The following TAS2R1 variants were observed in gnomAD, a reference collection of about 807,000 sequenced individuals.
The protein encoded by TAS2R1 is taste 2 receptor member 1, also known as taste receptor type 2 member 1.
For missense variants in TAS2R1, 370 were observed against 353.4 expected, an observed-to-expected ratio of 1.05 and a Z score of -0.38; for synonymous variants, 141 against 134.2, an observed-to-expected ratio of 1.05 and a Z score of -0.35.
At chr5:9,644,128 T>G (rs940066645) in intron 2 of TAS2R1, among the ~76,000 whole-genome samples, 4 of 152,130 alleles carry the variant, frequency 2.6e-5, no homozygotes, top group African/African-American at 9.7e-5. Context: ...TGGGAACCCA[T>G]TGAAGTGTTT....
chr5:9,704,532 A>T (rs1001090962), intron 1 of TAS2R1, among the ~76,000 whole-genome samples: 3 of 152,330 alleles, frequency 2.0e-5, no homozygotes, highest in Non-Finnish European at 2.9e-5. Context: ...AACCAAATGA[A>T]GTCATCCTAA....
the TAS2R1 span, among the ~76,000 whole-genome samples, chr5:9,824,500 G>A: frequency 6.6e-6 from 1 of 152,126 alleles, no homozygotes; most frequent in Non-Finnish European, 1.5e-5. Flanking sequence ...CTAATGCCTG[G>A]ACTAATGTTA....
chr5:9,726,011 A>G, the TAS2R1 span, among the ~76,000 whole-genome samples: 906 of 150,780 alleles, frequency 6.0e-3, 13 homozygotes, highest in African/African-American at 0.021. Flanking sequence ...AAACACACCA[A>G]TCAGCACCCT....
At chr5:9,719,918 CAAAAAAAAA>C in the TAS2R1 span, among the ~76,000 whole-genome samples, 2 of 64,338 alleles carry the variant, frequency 3.1e-5, no homozygotes, top group Non-Finnish European at 5.7e-5. Context: ...GATTCCGATT[CAAAAAAAAA>C]AAAAAAAAAA....
upstream of TAS2R1, chr5:9,630,479 A>C (rs1211061127): frequency 6.0e-6 from 1 of 166,556 alleles, no homozygotes; most frequent in Non-Finnish European, 1.5e-5. Flanking sequence ...CATTTTTGAA[A>C]TTTTCACTTA....
chr5:9,812,949 T>G, the TAS2R1 span, among the ~76,000 whole-genome samples: 2 of 152,212 alleles, frequency 1.3e-5, no homozygotes, highest in African/African-American at 4.8e-5. Context: ...CAATGGGTTA[T>G]GAGCAGAAGG....
the TAS2R1 span, among the ~76,000 whole-genome samples, chr5:9,809,667 T>G: frequency 2.6e-5 from 4 of 152,162 alleles, no homozygotes; most frequent in African/African-American, 9.7e-5. Context: ...AGACAGGTCC[T>G]CTCCACTTTT....
At chr5:9,633,470 GGGA>G (rs1380170100), upstream of TAS2R1, among the ~76,000 whole-genome samples, 1 of 151,448 alleles carries the variant, frequency 6.6e-6, no homozygotes, top group African/African-American at 2.4e-5. Context: ...ACCCGGGAGT[GGGA>G]TTGCTGGATC....
chr5:9,896,705 C>G, the TAS2R1 span, among the ~76,000 whole-genome samples: 1 of 152,186 alleles, frequency 6.6e-6, no homozygotes, highest in African/African-American at 2.4e-5. Flanking sequence ...GCCTGTTTGG[C>G]AATGTTGTTT....
chr5:9,713,581 C>T (rs1018726204), upstream of TAS2R1, among the ~76,000 whole-genome samples: 6 of 152,154 alleles, frequency 3.9e-5, no homozygotes, highest in African/African-American at 1.4e-4. Flanking sequence ...AGACATACTT[C>T]ACATGCGGTG....
chr5:9,861,037 G>GTTTTGTTTTTTTTTTT, the TAS2R1 span, among the ~76,000 whole-genome samples: 1 of 88,612 alleles, frequency 1.1e-5, no homozygotes, highest in African/African-American at 4.3e-5. Context: ...GGAAGATGAG[G>GTTTTGTTTTTTTTTTT]TTTTTTTTTT....
the TAS2R1 span, among the ~76,000 whole-genome samples, chr5:9,854,932 G>GT: frequency 6.6e-6 from 1 of 152,108 alleles, no homozygotes; most frequent in East Asian, 1.9e-4. Context: ...TCTTCATAAT[G>GT]GGTTCTGCTA....
upstream of TAS2R1, chr5:9,714,011 T>C (rs746560870): frequency 1.3e-5 from 2 of 152,346 alleles, no homozygotes; most frequent in Non-Finnish European, 2.9e-5. Context: ...AGTTTTGCCA[T>C]TGGATGACAG....
chr5:9,695,228 TG>T (rs1741333815), intron 1 of TAS2R1, among the ~76,000 whole-genome samples: 1 of 152,252 alleles, frequency 6.6e-6, no homozygotes, highest in African/African-American at 2.4e-5. Context: ...ACATGATTAC[TG>T]TTTTTGTAGT....
upstream of TAS2R1, among the ~76,000 whole-genome samples, chr5:9,632,324 G>A (rs1181349540): frequency 6.6e-6 from 1 of 152,206 alleles, no homozygotes; most frequent in African/African-American, 2.4e-5. Context: ...AGCTTTCAAT[G>A]AGTCATAATC....
intron 1 of TAS2R1, among the ~76,000 whole-genome samples, chr5:9,691,654 T>C (rs189182377): frequency 2.6e-5 from 4 of 152,302 alleles, no homozygotes; most frequent in Non-Finnish European, 5.9e-5. Flanking sequence ...AGCAAAAGCA[T>C]CTTCTAAAAT....
At chr5:9,773,041 CA>C in the TAS2R1 span, among the ~76,000 whole-genome samples, 2 of 151,978 alleles carry the variant, frequency 1.3e-5, no homozygotes, top group Non-Finnish European at 2.9e-5. Context: ...ATACTCCTGC[CA>C]CTTTGTTATT....
At chr5:9,830,177 T>TTGGATGGATGGACGGA in the TAS2R1 span, among the ~76,000 whole-genome samples, 3,704 of 132,598 alleles carry the variant, frequency 0.028, 102 homozygotes, top group African/African-American at 0.067. Flanking sequence ...AGAGAACAGA[T>TTGGATGGATGGACGGA]TGGATGGATG....
At chr5:9,843,245 A>G in the TAS2R1 span, among the ~76,000 whole-genome samples, 1,739 of 152,234 alleles carry the variant, frequency 0.011, 25 homozygotes, top group African/African-American at 0.036. Flanking sequence ...CATGTCTTTA[A>G]TCTGACTTTT....
Sources: gnomAD v4.1 joint callset for allele counts (sites outside exome capture counted in the v4.1 genomes callset) on GRCh38, gnomAD v4.1.1 for gene constraint, MANE v1.5 for transcripts, NCBI Gene and HGNC (gene_info 2026-07-23, HGNC 2026-07-21) for gene names.